LIG1: variants seen among roughly 807,000 people sequenced by gnomAD.
The protein encoded by LIG1 is DNA ligase 1.
Under a neutral mutation model 115.7 loss-of-function variants are expected in LIG1, and 70 were observed. That is an observed-to-expected ratio of 0.60 (90% confidence interval 0.50 to 0.74). The LOEUF is 0.74. Ranked by LOEUF, LIG1 falls within the 30% of genes least tolerant of loss-of-function variation. The probability of loss-of-function intolerance (pLI) is 0.00; values close to 1 mark genes in which losing one functional copy is unlikely to be tolerated. For synonymous variants in LIG1, 487 were observed against 495.3 expected (o/e 0.98, Z 0.22); for missense variants, 1,115 against 1,225.6 (o/e 0.91, Z 1.35).
chr19:48,151,280 C>G lies in LIG1; in HGVS notation c.526G>C (p.Glu176Gln). ...EAEVATEKEG[E>Q]DGDQPTTPPK... Reference sequence around the variant, plus strand: ...GGCGTGGTGGGCTGGTCCCCGTCTTCTCCTTCCTTCTCTGTGGCCACTTCA... The same window carrying G: ...GGCGTGGTGGGCTGGTCCCCGTCTTGTCCTTCCTTCTCTGTGGCCACTTCA... The change falls in exon 7 of 28, where the codon GAA becomes CAA. Residue 176 changes from glutamate (E) to glutamine (Q), a missense_variant. By Grantham distance (29) the Glu-to-Gln change is conservative. Transcript: ENST00000263274. 1.2e-6 allele frequency: 2 copies of G among 1,613,674 alleles called. No individual in the cohort carries two copies. The highest frequency in any genetic ancestry group is 1.7e-6 in the Non-Finnish European group (2 of 1,179,730).
Position 48,150,296 on chromosome 19 carries a change from G to T in LIG1, c.575-86C>A, listed in dbSNP as rs2052140153. 7.6e-6 allele frequency: 12 copies of T among 1,584,040 alleles called. No individual in the cohort carries two copies. In the South Asian group the frequency reaches 1.2e-4, roughly 16 times the overall value. On this transcript the variant is annotated intron_variant, in intron 7 of 27. Transcript: ENST00000263274. ...TTTTTTTTACCCCCAAGATCATTCTGACCCTGCAGATGGAAGATATAACTA... is the reference window on the plus strand; with the variant it reads ...TTTTTTTTACCCCCAAGATCATTCTTACCCTGCAGATGGAAGATATAACTA...
intron 21 of LIG1, among the ~76,000 whole-genome samples, chr19:48,126,094 T>A (rs868602835): frequency 2.1e-4 from 32 of 152,230 alleles, no homozygotes; most frequent in African/African-American, 6.7e-4. Flanking sequence ...TATCCCACTG[T>A]TTAGCCCTCA....
rs2034955005 is a variant in LIG1 at position 48,144,007 on chromosome 19, C to A, written c.777-44G>T. ...GATTGAATTGCATAGAGCCCTGGGTCAAAGCAAAGTCATTCCTTCCAACTG... is the reference window on the plus strand; with the variant it reads ...GATTGAATTGCATAGAGCCCTGGGTAAAAGCAAAGTCATTCCTTCCAACTG... On this transcript the variant is annotated intron_variant, in intron 9 of 27. Coordinates refer to ENST00000263274, the MANE Select transcript of LIG1 (RefSeq NM_000234.3). 5.6e-6 allele frequency: 8 copies of A among 1,441,300 alleles called. No individual in the cohort carries two copies. The East Asian group carries it at 1.8e-4, about 33-fold the overall frequency. 89.3% of individuals were successfully genotyped at this position (1,441,300 alleles called of 1,614,324 possible). A position where few individuals can be genotyped will look rare whatever the true frequency, so the allele number is the denominator to read the frequency against.
chr19:48,121,022 C>G, intron 24 of LIG1, 148 bp downstream of exon 24: 1 of 1,517,854 alleles, frequency 6.6e-7, no homozygotes, highest in South Asian at 1.3e-5. Flanking sequence ...GCTCATAGAA[C>G]CAGAAAAAGT....
At chr19:48,134,372 G>T (rs771008076) in intron 16 of LIG1, among the ~76,000 whole-genome samples, 26 of 152,194 alleles carry the variant, frequency 1.7e-4, no homozygotes, top group African/African-American at 6.3e-4. Context: ...GTTTTTGGCC[G>T]GGCATGGTGG....
At chr19:48,144,693 G>A (rs1208823360) in intron 9 of LIG1, among the ~76,000 whole-genome samples, 7 of 152,054 alleles carry the variant, frequency 4.6e-5, no homozygotes, top group African/African-American at 1.4e-4. Flanking sequence ...CAGAAGAGAC[G>A]AGGTTTCACC....
At chr19:48,166,941 C>G (rs1232975655) in intron 1 of LIG1, among the ~76,000 whole-genome samples, 1 of 127,210 alleles carries the variant, frequency 7.9e-6, no homozygotes, top group African/African-American at 3.0e-5. Flanking sequence ...GCCTGGGCAA[C>G]AGAGTAACAC....
intron 9 of LIG1, among the ~76,000 whole-genome samples, 180 bp from the exon 10 acceptor site, chr19:48,144,143 G>GC (rs3730930): frequency 9.1e-4 from 139 of 152,222 alleles, no homozygotes; most frequent in African/African-American, 3.0e-3. Flanking sequence ...TGGGCAAAAA[G>GC]CCCCCACATA....
intron 2 of LIG1, among the ~76,000 whole-genome samples, chr19:48,163,685 T>C (rs962566012): frequency 6.6e-6 from 1 of 151,846 alleles, no homozygotes; most frequent in African/African-American, 2.4e-5. Flanking sequence ...GGCTCACACC[T>C]GTAATCCCAA....
At chr19:48,121,878 C>T (rs1012090229) in intron 23 of LIG1, among the ~76,000 whole-genome samples, 1 of 152,200 alleles carries the variant, frequency 6.6e-6, no homozygotes, top group Non-Finnish European at 1.5e-5. Flanking sequence ...TCAGCCTTGC[C>T]GCCGTCTTTC....
intron 5 of LIG1, 117 bp downstream of exon 5, chr19:48,156,897 C>T: frequency 1.1e-6 from 1 of 927,272 alleles, no homozygotes; most frequent in Non-Finnish European, 1.5e-6. Context: ...CGAGATCATG[C>T]CACTGCACTC....
intron 17 of LIG1, among the ~76,000 whole-genome samples, 181 bp downstream of exon 17, chr19:48,133,800 C>T (rs1202121200): frequency 3.3e-5 from 5 of 152,148 alleles, no homozygotes; most frequent in Non-Finnish European, 7.3e-5. Flanking sequence ...CCTATCTACT[C>T]CACAAGGGGA....
Position 48,115,883 on chromosome 19 carries a change from G to C in LIG1, c.2666C>G (p.Thr889Ser), listed in dbSNP as rs781506154. The change falls in exon 27 of 28, where the codon ACC (threonine) becomes AGC (serine). Residue 889 changes from threonine (T) to serine (S), a missense_variant. Physicochemically the swap from Thr to Ser is moderately conservative, Grantham distance 58. Coordinates refer to ENST00000263274, the MANE Select transcript of LIG1 (RefSeq NM_000234.3). ...TTCCCAGGACCTCACCTGAGCACTG[G>C]TGGTGGCCTGCTCCGGCTGCTTGTC... Reference protein sequence around the residue: ...REDKQPEQATTSAQVACLYRK... With the variant: ...REDKQPEQATSSAQVACLYRK... The C allele has an allele frequency of 1.9e-6, 3 of 1,613,858 alleles. No individual in the cohort carries two copies. Among genetic ancestry groups the C allele is most frequent in the South Asian group, 2.2e-5 (2 of 91,074 alleles).
chr19:48,136,833 C>A (rs2034420826), intron 14 of LIG1, among the ~76,000 whole-genome samples, 175 bp downstream of exon 14: 1 of 152,178 alleles, frequency 6.6e-6, no homozygotes, highest in African/African-American at 2.4e-5. Flanking sequence ...CAGAAGCTGG[C>A]CTGTGAAAGG....
chr19:48,117,601 C>T, intron 26 of LIG1, 37 bp downstream of exon 26: 1 of 1,607,282 alleles, frequency 6.2e-7, no homozygotes, highest in Non-Finnish European at 8.5e-7. Flanking sequence ...CGCCCAGAAT[C>T]CCACACAGGG....
chr19:48,148,983 C>G (rs166683), intron 9 of LIG1, among the ~76,000 whole-genome samples: 1 of 152,170 alleles, frequency 6.6e-6, no homozygotes, highest in Non-Finnish European at 1.5e-5. Flanking sequence ...GCAGAGTAGA[C>G]GCGCCTGCAG....
At chr19:48,123,461 AT>A in intron 21 of LIG1, 143 bp from the exon 22 acceptor site, 1 of 915,152 alleles carries the variant, frequency 1.1e-6, no homozygotes, top group East Asian at 2.6e-5. Flanking sequence ...AAGAACCCTG[AT>A]GTCAGAAGGA....
chr19:48,159,750 C>T (rs191439698), intron 4 of LIG1, among the ~76,000 whole-genome samples: 5 of 152,270 alleles, frequency 3.3e-5, no homozygotes, highest in African/African-American at 1.2e-4. Flanking sequence ...CAGAGTCTTG[C>T]TCTGTCACCC....
rs1225553800 is a variant in LIG1, at chr19:48,131,072, C to T, written c.1821+4G>A. 1 of 1,613,266 alleles carries T rather than the reference C, an allele frequency of 6.2e-7. No individual in the cohort carries two copies. On this transcript the variant is annotated splice_donor_region_variant and intron_variant, in intron 19 of 27. Coordinates refer to ENST00000263274, the MANE Select transcript of LIG1 (RefSeq NM_000234.3). ...CAGAGTGCAAGTGTGTGGCAGACGCCCACCTTGGGGATGCGGCTGATGATG... is the reference window on the plus strand; with the variant it reads ...CAGAGTGCAAGTGTGTGGCAGACGCTCACCTTGGGGATGCGGCTGATGATG...
Sources: allele counts gnomAD v4.1 joint callset (sites outside exome capture counted in the v4.1 genomes callset), GRCh38; gene constraint gnomAD v4.1.1; transcripts MANE v1.5; gene names NCBI Gene and HGNC (gene_info 2026-07-23, HGNC 2026-07-21).